Variants in PARD6G observed in about 807,000 individuals in gnomAD.
PARD6G encodes par-6 family cell polarity regulator gamma.
In PARD6G, 7 loss-of-function variants were observed where a neutral mutation model predicts 10.7. That is an observed-to-expected ratio of 0.66 (90% CI 0.37 to 1.23). The LOEUF (loss-of-function observed/expected upper bound fraction) is 1.23, where lower values mean the gene tolerates loss of function less well. Among genes scored for constraint, PARD6G ranks in the 50% most tolerant of loss-of-function variants. The pLI is 0.02. For missense variants in PARD6G, 548 were observed against 571.8 expected, an observed-to-expected ratio of 0.96 and a Z score of 0.42; for synonymous variants, 287 against 269.4, an observed-to-expected ratio of 1.07 and a Z score of -0.64.
intron 2 of PARD6G, among the ~76,000 whole-genome samples, chr18:80,165,559 G>GA (rs1402393449): frequency 5.4e-5 from 2 of 37,004 alleles, no homozygotes; most frequent in African/African-American, 1.9e-4. Context: ...AGGATTAAGA[G>GA]ATTAAAGACA....
At chr18:80,204,785 C>T (rs1033959724) in intron 1 of PARD6G, among the ~76,000 whole-genome samples, 1 of 151,774 alleles carries the variant, frequency 6.6e-6, no homozygotes. Context: ...CCCATCTCTA[C>T]TAAAAGTACC....
At chr18:80,236,845 A>T (rs1967429168) in intron 1 of PARD6G, among the ~76,000 whole-genome samples, 1 of 152,226 alleles carries the variant, frequency 6.6e-6, no homozygotes, top group African/African-American at 2.4e-5. Flanking sequence ...CAATGAAATA[A>T]AAGAGGATAC....
At chr18:80,227,598 C>T (rs1164631083) in intron 1 of PARD6G, among the ~76,000 whole-genome samples, 2 of 152,240 alleles carry the variant, frequency 1.3e-5, no homozygotes, top group Non-Finnish European at 2.9e-5. Flanking sequence ...CTGAATTGCT[C>T]TGACCAGCTC....
Position 80,192,889 on chromosome 18 carries a change from A to AG in PARD6G, c.295+9820dup, listed in dbSNP as rs1330280354. 6.6e-6 allele frequency among the ~76,000 whole-genome samples: 1 copy of AG among 152,028 alleles called. No homozygotes were observed. The highest frequency in any genetic ancestry group is 1.5e-5 in the Non-Finnish European group (1 of 68,000). On this transcript the variant is annotated intron_variant, in intron 2 of 2. Transcript: ENST00000353265. This position sits in a 1 kb window ranked among gnomAD's most constrained non-coding sequence, Gnocchi z 4.9. ...TGGAGGGCGGAGGAGAGGTGTCTGC[A>AG]GGGGAGCTGCTTGGCAGCAACTTCT...
intron 1 of PARD6G, among the ~76,000 whole-genome samples, chr18:80,236,975 T>C (rs1023746876): frequency 3.3e-5 from 5 of 152,184 alleles, no homozygotes; most frequent in African/African-American, 1.2e-4. Context: ...CCAATGACTT[T>C]CTGCACAGAA....
Position 80,183,073 on chromosome 18 carries a change from C to G in PARD6G, c.295+19637G>C. ...ATTCTCTACCATGGCATGCCGACAA[C>G]AGGGGCACAGAGAAGTCCCCCTTTC... is the stretch of plus-strand genomic sequence containing the variant. On this transcript the variant is annotated intron_variant, in intron 2 of 2. Transcript: ENST00000353265. This position sits in a 1 kb window ranked among gnomAD's most constrained non-coding sequence, Gnocchi z 4.5. 1 of 702,704 alleles carries G rather than the reference C, an allele frequency of 1.4e-6. No individual in the cohort carries two copies. The highest frequency in any genetic ancestry group is 2.6e-6 in the Non-Finnish European group (1 of 384,962). The allele number at this position is 702,704 out of a possible 1,614,324, so 43.5% of individuals were successfully genotyped here.
intron 2 of PARD6G, among the ~76,000 whole-genome samples, chr18:80,178,702 A>C (rs1324701318): frequency 6.6e-6 from 1 of 152,232 alleles, no homozygotes; most frequent in Non-Finnish European, 1.5e-5. Context: ...AGTTTGAAGG[A>C]GTGCCACCTT....
chr18:80,211,339 G>T (rs551277878), intron 1 of PARD6G, among the ~76,000 whole-genome samples: 12 of 152,308 alleles, frequency 7.9e-5, no homozygotes, highest in African/African-American at 2.6e-4. Context: ...ACAGGAATTG[G>T]ACAAACACAT....
chr18:80,212,633 C>T (rs1450683965), intron 1 of PARD6G, among the ~76,000 whole-genome samples: 1 of 152,146 alleles, frequency 6.6e-6, no homozygotes, highest in African/African-American at 2.4e-5. Context: ...AGCCTGTAAT[C>T]CCAGCATTTT....
rs745855681 is a variant in PARD6G at position 80,202,936 on chromosome 18, C to T, written c.73-4G>A. 11 of 1,522,220 alleles carry T rather than the reference C, an allele frequency of 7.2e-6. No homozygotes were observed. In the Admixed American group the frequency reaches 1.6e-4, roughly 21 times the overall value. The allele number at this position is 1,522,220 out of a possible 1,614,324, so 94.3% of individuals were successfully genotyped here. A position where few individuals can be genotyped will look rare whatever the true frequency, so the allele number is the denominator to read the frequency against. On this transcript the variant is annotated splice_polypyrimidine_tract_variant and splice_region_variant and intron_variant, in intron 1 of 2. Transcript: ENST00000353265. ...ACCTTCGGAATTCCGCCCCAAACTA[C>T]AATGCAAGAGACGGGGTGGGGGGAG...
At chr18:80,171,487 T>G (rs1277107373) in intron 2 of PARD6G, 2 of 152,294 alleles carry the variant, frequency 1.3e-5, no homozygotes, top group Non-Finnish European at 1.5e-5. Flanking sequence ...TTGTTTAAAA[T>G]TTTTGAGAGA....
At chr18:80,233,563 A>C (rs1264518814) in intron 1 of PARD6G, among the ~76,000 whole-genome samples, 1 of 152,238 alleles carries the variant, frequency 6.6e-6, no homozygotes, top group Admixed American at 6.5e-5. Flanking sequence ...CTGTGGGTGG[A>C]AAGCCAGTCA....
intron 1 of PARD6G, among the ~76,000 whole-genome samples, chr18:80,242,790 C>T (rs1198754175): frequency 3.3e-5 from 5 of 152,168 alleles, no homozygotes; most frequent in South Asian, 2.1e-4. Flanking sequence ...CCAATAAATA[C>T]GAAAATTTCA....
intron 1 of PARD6G, among the ~76,000 whole-genome samples, chr18:80,223,346 A>G (rs1967253037): frequency 1.3e-5 from 2 of 152,248 alleles, no homozygotes; most frequent in Non-Finnish European, 2.9e-5. Flanking sequence ...AGAATGACAG[A>G]AAATATTTGC....
chr18:80,195,829 G>A (rs955329402), intron 2 of PARD6G, among the ~76,000 whole-genome samples: 10 of 150,248 alleles, frequency 6.7e-5, no homozygotes, highest in African/African-American at 2.4e-4. Flanking sequence ...GAGCTGAGAT[G>A]GCACCAGTGC....
rs887379884 is a variant in PARD6G, at chr18:80,228,857, G to T, written c.72+18420C>A. Among the ~76,000 whole-genome samples the T allele has an allele frequency of 6.6e-6, 1 of 152,210 alleles. No homozygotes were observed. The highest frequency in any genetic ancestry group is 2.1e-4 in the South Asian group (1 of 4,832). On this transcript the variant is annotated intron_variant, in intron 1 of 2. Coordinates refer to ENST00000353265, the MANE Select transcript of PARD6G (RefSeq NM_032510.4). This position sits in a 1 kb window ranked among gnomAD's most constrained non-coding sequence, Gnocchi z 4.6. ...GAAATGTTCATCAAAATACTTATAAGGGTGACAAATGGAAACAGTAAGTGC... is the reference window on the plus strand; with the variant it reads ...GAAATGTTCATCAAAATACTTATAATGGTGACAAATGGAAACAGTAAGTGC...
intron 1 of PARD6G, among the ~76,000 whole-genome samples, chr18:80,217,683 G>C (rs978349527): frequency 6.6e-6 from 1 of 152,052 alleles, no homozygotes; most frequent in Admixed American, 6.6e-5. Context: ...AAACTATCAA[G>C]GTCACCAAAA....
At chr18:80,177,424 AAC>A (rs1247985678) in intron 2 of PARD6G, among the ~76,000 whole-genome samples, 1 of 146,972 alleles carries the variant, frequency 6.8e-6, no homozygotes, top group Non-Finnish European at 1.5e-5. Flanking sequence ...CATACACGCA[AAC>A]ACGCACACAC....
At position 80,188,623 on chromosome 18, in the gene PARD6G, T is replaced by C. The variant is rs1417623994; in HGVS notation, c.295+14087A>G. On this transcript the variant is annotated intron_variant, in intron 2 of 2. Coordinates refer to ENST00000353265, the MANE Select transcript of PARD6G (RefSeq NM_032510.4). This position sits in a 1 kb window ranked among gnomAD's most constrained non-coding sequence, Gnocchi z 5.4. ...AAGGGTCTCTCTGTTTCCCCACCTA[T>C]TGCTCTTGAGTTTTTATGATGAAGG... Among the ~76,000 whole-genome samples, 1 of 152,164 alleles carries C rather than the reference T, an allele frequency of 6.6e-6. No individual in the cohort carries two copies. The highest frequency in any genetic ancestry group is 2.4e-5 in the African/African-American group (1 of 41,434).
Sources: allele counts gnomAD v4.1 joint callset (sites outside exome capture counted in the v4.1 genomes callset), GRCh38; gene constraint gnomAD v4.1.1; non-coding constraint Gnocchi (gnomAD v3.1); transcripts MANE v1.5; gene names NCBI Gene and HGNC (gene_info 2026-07-23, HGNC 2026-07-21).